The following PDE3B variants were observed in gnomAD, a reference collection of about 807,000 sequenced individuals.
PDE3B encodes the protein phosphodiesterase 3B.
In PDE3B, 66 loss-of-function variants were observed where a neutral mutation model predicts 116.8. That is an observed-to-expected ratio of 0.56 (90% CI 0.46 to 0.69). The LOEUF is 0.69. Ranked by LOEUF, PDE3B falls within the 30% of genes least tolerant of loss-of-function variation. The probability of loss-of-function intolerance (pLI) is 0.00; values close to 1 mark genes in which losing one functional copy is unlikely to be tolerated. For synonymous variants in PDE3B, 595 were observed against 533.6 expected, an observed-to-expected ratio of 1.12 and a Z score of -1.59; for missense variants, 1,384 against 1,368.1, an observed-to-expected ratio of 1.01 and a Z score of -0.18.
In PDE3B at chr11:14,869,662, G is replaced by A. The variant is rs142093250; in HGVS notation, c.*2G>A. 2.5e-4 allele frequency: 409 copies of A among 1,611,852 alleles called. 4 individuals carry two copies. The highest frequency in any genetic ancestry group is 5.0e-4 in the Middle Eastern group (3 of 6,052). On this transcript the variant is annotated 3_prime_UTR_variant, in exon 16 of 16. Transcript: ENST00000282096. Reference sequence around the variant, plus strand: ...GAAGAGGCAGATGAAGAGGAATAGCGACAGTTTGAGTAAAAGAAAAGTCAT... The same window carrying A: ...GAAGAGGCAGATGAAGAGGAATAGCAACAGTTTGAGTAAAAGAAAAGTCAT...
At position 14,644,130 on chromosome 11, in the gene PDE3B, G is replaced by C; in HGVS notation, c.55G>C (p.Gly19Arg). Residue 19 changes from glycine (G) to arginine (R), a missense_variant, in exon 1 of 16, where the codon GGG (glycine) becomes CGG (arginine). Transcript: ENST00000282096. ...CATGCGGTCCCTGCAGCCGCCGGATGGGGCCGGCTCGCCCCCCGAGAGTCT... is the reference window on the plus strand; with the variant it reads ...CATGCGGTCCCTGCAGCCGCCGGATCGGGCCGGCTCGCCCCCCGAGAGTCT... ...KAMRSLQPPDGAGSPPESLRN... is the reference protein window; with the variant it reads ...KAMRSLQPPDRAGSPPESLRN... 1 of 1,585,916 alleles carries C rather than the reference G, an allele frequency of 6.3e-7. No individual in the cohort carries two copies. The highest frequency in any genetic ancestry group is 8.5e-7 in the Non-Finnish European group (1 of 1,174,500).
chr11:14,762,751 A>G (rs1008991059), intron 1 of PDE3B, among the ~76,000 whole-genome samples: 3 of 152,232 alleles, frequency 2.0e-5, no homozygotes, highest in Non-Finnish European at 4.4e-5. Context: ...CAATGAAGAT[A>G]TGATAAATGT....
intron 7 of PDE3B, among the ~76,000 whole-genome samples, chr11:14,829,722 GA>G (rs773559561): frequency 6.6e-5 from 10 of 151,840 alleles, no homozygotes; most frequent in Non-Finnish European, 1.0e-4. Context: ...AAGAAAATCA[GA>G]AAAAAATAGT....
At position 14,644,132 on chromosome 11, in the gene PDE3B, G is replaced by T; in HGVS notation, c.57G>T (p.Gly19=). The T allele has an allele frequency of 1.3e-6, 2 of 1,587,008 alleles. No homozygotes were observed. Among genetic ancestry groups the T allele is most frequent in the South Asian group, 1.1e-5 (1 of 89,234 alleles). The change falls in exon 1 of 16, where the codon GGG becomes GGT. Residue 19 remains glycine (G), a synonymous_variant. Transcript: ENST00000282096. ...KAMRSLQPPD[G]AGSPPESLRN... Reference sequence around the variant, plus strand: ...TGCGGTCCCTGCAGCCGCCGGATGGGGCCGGCTCGCCCCCCGAGAGTCTGA... The same window carrying T: ...TGCGGTCCCTGCAGCCGCCGGATGGTGCCGGCTCGCCCCCCGAGAGTCTGA...
chr11:14,863,731 A>C (rs140162640), intron 14 of PDE3B, among the ~76,000 whole-genome samples: 1,911 of 152,290 alleles, frequency 0.013, 34 homozygotes, highest in African/African-American at 0.043. Flanking sequence ...GAGAAATAAA[A>C]TCCTTTACAC....
At chr11:14,822,511 C>T (rs1031366465) in intron 7 of PDE3B, among the ~76,000 whole-genome samples, 3 of 152,266 alleles carry the variant, frequency 2.0e-5, no homozygotes, top group East Asian at 1.9e-4. Context: ...GAGCCTCCCT[C>T]GCCCAGGGAA....
At chr11:14,663,137 G>C (rs1245406488) in intron 1 of PDE3B, among the ~76,000 whole-genome samples, 1 of 152,152 alleles carries the variant, frequency 6.6e-6, no homozygotes, top group Non-Finnish European at 1.5e-5. Context: ...AGCCAGAAGA[G>C]AGTGGGGGCC....
chr11:14,892,177 C>T, the PDE3B span: 1 of 1,610,696 alleles, frequency 6.2e-7, no homozygotes, highest in Middle Eastern at 2.1e-4. Flanking sequence ...CGCCGCCGCG[C>T]CCTCTTCAGC....
chr11:14,876,676 C>A (rs1419173887), downstream of PDE3B, among the ~76,000 whole-genome samples: 1 of 152,150 alleles, frequency 6.6e-6, no homozygotes, highest in Non-Finnish European at 1.5e-5. Context: ...CCCTCGCTCT[C>A]CCAGAAACGA....
intron 12 of PDE3B, among the ~76,000 whole-genome samples, chr11:14,849,750 C>G (rs1847700997): frequency 6.6e-6 from 1 of 152,218 alleles, no homozygotes; most frequent in Non-Finnish European, 1.5e-5. Flanking sequence ...CTCACCATCA[C>G]TGGCCATCCG....
chr11:14,813,683 T>C (rs1859225492), intron 5 of PDE3B, among the ~76,000 whole-genome samples: 1 of 152,182 alleles, frequency 6.6e-6, no homozygotes, highest in South Asian at 2.1e-4. Context: ...GATATGGACA[T>C]CTTTGGGGGT....
At chr11:14,664,947 G>A (rs568516493) in intron 1 of PDE3B, among the ~76,000 whole-genome samples, 3,854 of 152,066 alleles carry the variant, frequency 0.025, 66 homozygotes, top group Non-Finnish European at 0.034. Flanking sequence ...TACCAAAGCC[G>A]GGCAGAGACA....
intron 1 of PDE3B, among the ~76,000 whole-genome samples, chr11:14,685,735 C>G (rs1281387225): frequency 1.3e-5 from 2 of 152,010 alleles, no homozygotes; most frequent in Non-Finnish European, 2.9e-5. Flanking sequence ...GGATTACAGG[C>G]ATGAGCCACT....
chr11:14,747,486 T>C (rs150103536), intron 1 of PDE3B, among the ~76,000 whole-genome samples: 1 of 152,314 alleles, frequency 6.6e-6, no homozygotes, highest in Non-Finnish European at 1.5e-5. Context: ...GTCATGTCTT[T>C]CTCCCATAGA....
At chr11:14,684,868 G>C (rs1219952225) in intron 1 of PDE3B, among the ~76,000 whole-genome samples, 2 of 151,990 alleles carry the variant, frequency 1.3e-5, no homozygotes, top group African/African-American at 4.8e-5. Flanking sequence ...CAGGCAGTCA[G>C]ACCTTATGGT....
chr11:14,644,528 C>T lies in PDE3B; in HGVS notation c.453C>T (p.Ser151=). Residue 151 remains serine, a synonymous_variant, in exon 1 of 16, where the codon TCC becomes TCT. Transcript: ENST00000282096. ...CCGGCCCGGGCCGGAGCTGCGGCTC[C>T]TGGTGGCTGCTGGCGCTGCCCGCCT... is the stretch of plus-strand genomic sequence containing the variant. ...RGPGPGRSCG[S]WWLLALPACC... is the part of the protein sequence containing the mutation. 6.2e-7 allele frequency: 1 copy of T among 1,605,352 alleles called. No individual in the cohort carries two copies. The highest frequency in any genetic ancestry group is 8.5e-7 in the Non-Finnish European group (1 of 1,176,112).
intron 1 of PDE3B, chr11:14,673,916 C>T (rs919213010): frequency 2.1e-5 from 30 of 1,432,950 alleles, no homozygotes; most frequent in Admixed American, 1.8e-4. Context: ...CTTCATTAAC[C>T]GCATACTCCT....
At chr11:14,873,082 G>A (rs1330803279), downstream of PDE3B, among the ~76,000 whole-genome samples, 2 of 152,170 alleles carry the variant, frequency 1.3e-5, no homozygotes, top group African/African-American at 2.4e-5. Context: ...CCCCAGACTA[G>A]TTTTTCCTCA....
intron 1 of PDE3B, among the ~76,000 whole-genome samples, chr11:14,711,111 G>C (rs890412517): frequency 5.9e-5 from 9 of 152,090 alleles, no homozygotes; most frequent in African/African-American, 1.9e-4. Flanking sequence ...GATGCTATAG[G>C]GATACCGTAT....
Sources: allele counts gnomAD v4.1 joint callset (sites outside exome capture counted in the v4.1 genomes callset), GRCh38; gene constraint gnomAD v4.1.1; transcripts MANE v1.5; gene names NCBI Gene and HGNC (gene_info 2026-07-23, HGNC 2026-07-21).